PHLPP1: variants seen among roughly 807,000 people sequenced by gnomAD.
The protein encoded by PHLPP1 is PH domain and leucine rich repeat protein phosphatase 1, also known as PH domain leucine-rich repeat-containing protein phosphatase 1.
In PHLPP1, 42 loss-of-function variants were observed where a neutral mutation model predicts 117.2. The ratio of observed to expected loss-of-function variants is 0.36; its 90% CI spans 0.28 to 0.46. The LOEUF (loss-of-function observed/expected upper bound fraction) is 0.46. Ranked by LOEUF, PHLPP1 falls within the 20% of genes least tolerant of loss-of-function variation. The pLI, the probability that PHLPP1 is intolerant of heterozygous loss-of-function variation, is 1.00. For missense variants in PHLPP1, 2,084 were observed against 2,241.9 expected (o/e 0.93, Z 1.42); for synonymous variants, 1,042 against 970.7 (o/e 1.07, Z -1.37).
chr18:62,826,572 A>G (rs1914618145), intron 1 of PHLPP1, among the ~76,000 whole-genome samples: 1 of 152,130 alleles, frequency 6.6e-6, no homozygotes, highest in South Asian at 2.1e-4. Context: ...TTTTCTTGAT[A>G]CCTCTAGCAT....
intron 1 of PHLPP1, among the ~76,000 whole-genome samples, chr18:62,774,789 A>G (rs1237310402): frequency 6.6e-6 from 1 of 152,154 alleles, no homozygotes; most frequent in East Asian, 1.9e-4. Flanking sequence ...TCTGTGTACA[A>G]ACAAAACTAA....
intron 13 of PHLPP1, among the ~76,000 whole-genome samples, chr18:62,962,153 G>C (rs757942885): frequency 1.3e-5 from 2 of 152,290 alleles, no homozygotes; most frequent in East Asian, 3.9e-4. Flanking sequence ...CAATTTACAA[G>C]TAAGAGGACT....
chr18:62,934,784 G>A (rs910200301), intron 10 of PHLPP1, among the ~76,000 whole-genome samples: 2 of 152,158 alleles, frequency 1.3e-5, no homozygotes, highest in African/African-American at 4.8e-5. Context: ...CTCATGTGTG[G>A]ATAAACAAGG....
intron 1 of PHLPP1, among the ~76,000 whole-genome samples, chr18:62,751,353 G>T (rs973389491): frequency 1.3e-5 from 2 of 152,182 alleles, no homozygotes; most frequent in African/African-American, 4.8e-5. Context: ...AAAACTTGAA[G>T]GTGGCTCGGA....
chr18:62,944,809 C>A (rs1910230101), intron 11 of PHLPP1, among the ~76,000 whole-genome samples: 2 of 152,114 alleles, frequency 1.3e-5, no homozygotes, highest in African/African-American at 4.8e-5. Flanking sequence ...GTGTTCAGAC[C>A]AAGCTATACA....
chr18:62,829,968 G>T, intron 1 of PHLPP1, 67 bp from the exon 2 acceptor site: 1 of 1,097,720 alleles, frequency 9.1e-7, no homozygotes, highest in Non-Finnish European at 1.3e-6. Context: ...TCATATATCT[G>T]CTATGTAGAT....
intron 1 of PHLPP1, among the ~76,000 whole-genome samples, chr18:62,748,270 G>T (rs1239892141): frequency 2.0e-5 from 3 of 149,634 alleles, no homozygotes; most frequent in Non-Finnish European, 3.0e-5. Flanking sequence ...TTGAGATGAG[G>T]GTATCGCTCT....
At chr18:62,871,793 C>G (rs543885067) in intron 4 of PHLPP1, among the ~76,000 whole-genome samples, 1 of 151,816 alleles carries the variant, frequency 6.6e-6, no homozygotes, top group Non-Finnish European at 1.5e-5. Flanking sequence ...TACAGGCACG[C>G]GCCACCACGC....
At chr18:62,883,103 A>G (rs925045695) in intron 4 of PHLPP1, among the ~76,000 whole-genome samples, 3 of 152,202 alleles carry the variant, frequency 2.0e-5, no homozygotes, top group Non-Finnish European at 2.9e-5. Context: ...AATAAAATAT[A>G]TATACATGTT....
At chr18:62,842,035 A>G (rs1010883471) in intron 3 of PHLPP1, among the ~76,000 whole-genome samples, 1 of 152,156 alleles carries the variant, frequency 6.6e-6, no homozygotes, top group African/African-American at 2.4e-5. Context: ...TAATAATAAT[A>G]ATAGTACTTA....
At chr18:62,940,607 G>A (rs1393548131) in intron 10 of PHLPP1, among the ~76,000 whole-genome samples, 1 of 151,776 alleles carries the variant, frequency 6.6e-6, no homozygotes, top group Non-Finnish European at 1.5e-5. Context: ...CTTGTGATCC[G>A]CCTGCCTCGG....
chr18:62,849,818 A>ATATATATATAT (rs1915281396), intron 3 of PHLPP1, among the ~76,000 whole-genome samples: 1 of 45,006 alleles, frequency 2.2e-5, no homozygotes, highest in Non-Finnish European at 4.6e-5. Flanking sequence ...AAAAAAAAAA[A>ATATATATATAT]AAAAAAAAAA....
At chr18:62,893,534 A>G (rs987111415) in intron 4 of PHLPP1, among the ~76,000 whole-genome samples, 3 of 152,222 alleles carry the variant, frequency 2.0e-5, no homozygotes, top group Admixed American at 1.3e-4. Flanking sequence ...CAACCTGTCA[A>G]ATAGGTACAT....
intron 13 of PHLPP1, among the ~76,000 whole-genome samples, chr18:62,961,483 G>T (rs1421992439): frequency 9.2e-5 from 14 of 152,148 alleles, no homozygotes; most frequent in Admixed American, 8.5e-4. Context: ...GCTAGGAAAT[G>T]GAATTATTTC....
At chr18:62,755,982 T>C (rs565207503) in intron 1 of PHLPP1, among the ~76,000 whole-genome samples, 12 of 143,038 alleles carry the variant, frequency 8.4e-5, no homozygotes, top group African/African-American at 8.0e-5. Context: ...ATATTTTTGT[T>C]CCCCCCCCCC....
At chr18:62,963,004 C>T (rs1167462569) in intron 13 of PHLPP1, among the ~76,000 whole-genome samples, 1 of 152,160 alleles carries the variant, frequency 6.6e-6, no homozygotes, top group Non-Finnish European at 1.5e-5. Context: ...TCTGAGTATT[C>T]ATGGTGTAAG....
intron 1 of PHLPP1, among the ~76,000 whole-genome samples, chr18:62,726,323 T>G (rs925544169): frequency 6.7e-6 from 1 of 148,896 alleles, no homozygotes. Context: ...CTTGCCTGCT[T>G]TTTTTTTTTG....
chr18:62,730,801 A>C (rs555781680), intron 1 of PHLPP1, among the ~76,000 whole-genome samples: 277 of 152,300 alleles, frequency 1.8e-3, no homozygotes, highest in African/African-American at 6.5e-3. Context: ...AAAAAAAAAA[A>C]AAAAAAACTG....
chr18:62,729,652 G>C (rs1911174373), intron 1 of PHLPP1, among the ~76,000 whole-genome samples: 1 of 152,016 alleles, frequency 6.6e-6, no homozygotes, highest in Non-Finnish European at 1.5e-5. Flanking sequence ...TCCAGCCTGG[G>C]TGACAGAGCA....
Sources: allele counts gnomAD v4.1 joint callset (sites outside exome capture counted in the v4.1 genomes callset), GRCh38; gene constraint gnomAD v4.1.1; transcripts MANE v1.5; gene names NCBI Gene and HGNC (gene_info 2026-07-23, HGNC 2026-07-21).